SCAI: variants seen among roughly 807,000 people sequenced by gnomAD.
SCAI encodes the protein suppressor of cancer cell invasion.
Under a neutral mutation model 92.2 loss-of-function variants are expected in SCAI, and 24 were observed. That is an observed-to-expected ratio of 0.26 (90% CI 0.19 to 0.37). The LOEUF (loss-of-function observed/expected upper bound fraction) is 0.37. SCAI is among the 10% of genes least tolerant of loss of function. The pLI is 1.00. For missense variants in SCAI, 450 were observed against 736.2 expected (o/e 0.61, Z 4.50); for synonymous variants, 261 against 258.6 (o/e 1.01, Z -0.09).
chr9:125,031,880 C>T (rs1236380781), intron 3 of SCAI, among the ~76,000 whole-genome samples: 3 of 151,902 alleles, frequency 2.0e-5, no homozygotes, highest in African/African-American at 7.3e-5. Context: ...CCCTAGGTAC[C>T]ATCAGCAGAT....
At position 124,981,867 on chromosome 9, in the gene SCAI, ACTCTTGGC is replaced by A. The variant is rs142850002; in HGVS notation, c.1327-5689_1327-5682del. On this transcript the variant is annotated intron_variant, in intron 14 of 17. Transcript: ENST00000336505. ...GCTATATTGCTCAGGCTAGTCTTGA[ACTCTTGGC>A]CTCTAGCAATCCTCGTGCCTTATGC... Among the ~76,000 whole-genome samples the A allele has an allele frequency of 9.7e-3, 1,480 of 151,870 alleles. 20 individuals are homozygous for A. The highest frequency in any genetic ancestry group is 0.034 in the African/African-American group (1,411 of 41,382).
At chr9:125,029,851 T>G (rs1418111167) in intron 3 of SCAI, 112 bp from the exon 4 acceptor site, 1 of 566,068 alleles carries the variant, frequency 1.8e-6, no homozygotes, top group Non-Finnish European at 2.9e-6. Context: ...TCAGGCTTTC[T>G]TTTTTAAAAA....
chr9:125,114,333 T>C (rs963466409), intron 2 of SCAI, among the ~76,000 whole-genome samples: 1 of 152,074 alleles, frequency 6.6e-6, no homozygotes, highest in Non-Finnish European at 1.5e-5. Context: ...GTTTGAGAAG[T>C]TGTACAATAC....
intron 17 of SCAI, among the ~76,000 whole-genome samples, chr9:124,967,035 A>G (rs1469186230): frequency 6.6e-6 from 1 of 152,118 alleles, no homozygotes; most frequent in Non-Finnish European, 1.5e-5. Flanking sequence ...AGAAAATAAT[A>G]TAACATGAGC....
intron 17 of SCAI, 50 bp from the exon 18 acceptor site, chr9:124,953,003 A>C: frequency 6.9e-7 from 1 of 1,452,964 alleles, no homozygotes; most frequent in Non-Finnish European, 9.6e-7. Context: ...AATGAAAGAA[A>C]ATTATACACA....
At chr9:125,002,488 G>GTTTTGTTTTTTTTT (rs1554779236) in intron 11 of SCAI, among the ~76,000 whole-genome samples, 3 of 125,106 alleles carry the variant, frequency 2.4e-5, no homozygotes, top group Admixed American at 8.8e-5. Flanking sequence ...TTTTTAGTCT[G>GTTTTGTTTTTTTTT]TTTTTTTTTT....
intron 14 of SCAI, among the ~76,000 whole-genome samples, chr9:124,977,926 G>T (rs1831795476): frequency 6.6e-6 from 1 of 151,894 alleles, no homozygotes; most frequent in South Asian, 2.1e-4. Flanking sequence ...ATATATCAAA[G>T]ATGTAAATGT....
At chr9:125,046,899 C>G (rs1833454971) in intron 3 of SCAI, among the ~76,000 whole-genome samples, 1 of 151,668 alleles carries the variant, frequency 6.6e-6, no homozygotes, top group Non-Finnish European at 1.5e-5. Context: ...ATATATTCAT[C>G]TATTTTATTG....
At chr9:125,021,670 A>G (rs1692438670) in intron 6 of SCAI, among the ~76,000 whole-genome samples, 1 of 152,148 alleles carries the variant, frequency 6.6e-6, no homozygotes, top group Non-Finnish European at 1.5e-5. Context: ...ACAACAGTGT[A>G]TTTTTTGTGT....
intron 2 of SCAI, among the ~76,000 whole-genome samples, chr9:125,137,202 A>G (rs1002323200): frequency 5.9e-5 from 9 of 152,200 alleles, no homozygotes; most frequent in Non-Finnish European, 1.3e-4. Flanking sequence ...TCCTGCCCAT[A>G]GGACCTTTAA....
At chr9:124,989,590 A>T (rs1027214899) in intron 14 of SCAI, among the ~76,000 whole-genome samples, 4 of 152,208 alleles carry the variant, frequency 2.6e-5, no homozygotes, top group South Asian at 4.1e-4. Context: ...TCAAAAAAAT[A>T]AAAATAAAAA....
At chr9:125,133,789 T>C (rs1835457518) in intron 2 of SCAI, among the ~76,000 whole-genome samples, 1 of 152,114 alleles carries the variant, frequency 6.6e-6, no homozygotes, top group Non-Finnish European at 1.5e-5. Flanking sequence ...GTGAGGACAT[T>C]TGGAAGGGCT....
At chr9:125,067,245 C>T (rs1833891239) in intron 2 of SCAI, among the ~76,000 whole-genome samples, 1 of 152,110 alleles carries the variant, frequency 6.6e-6, no homozygotes. Context: ...TGTTGAAGTC[C>T]TAACTTCTGG....
chr9:125,081,123 G>C (rs1447469049), intron 2 of SCAI, among the ~76,000 whole-genome samples: 1 of 152,194 alleles, frequency 6.6e-6, no homozygotes. Context: ...TCAAGTCTCA[G>C]GTATGTCTTT....
intron 2 of SCAI, among the ~76,000 whole-genome samples, chr9:125,085,036 T>C (rs1428184424): frequency 6.6e-6 from 1 of 152,208 alleles, no homozygotes; most frequent in African/African-American, 2.4e-5. Context: ...TATCCTATCT[T>C]ACTGACTACT....
intron 6 of SCAI, among the ~76,000 whole-genome samples, 164 bp downstream of exon 6, chr9:125,026,648 A>G (rs1438651773): frequency 2.0e-5 from 3 of 152,210 alleles, no homozygotes; most frequent in African/African-American, 7.2e-5. Flanking sequence ...CTTAGGTAAC[A>G]TAAACTTCTC....
chr9:124,979,392 T>G (rs1428627496), intron 14 of SCAI, among the ~76,000 whole-genome samples: 1 of 151,216 alleles, frequency 6.6e-6, no homozygotes, highest in Non-Finnish European at 1.5e-5. Flanking sequence ...ATACAAAAAT[T>G]AGCCGGGCAT....
chr9:125,084,492 C>T (rs766733089), intron 2 of SCAI, among the ~76,000 whole-genome samples: 2 of 151,940 alleles, frequency 1.3e-5, no homozygotes, highest in African/African-American at 4.8e-5. Flanking sequence ...TTAAGCACTA[C>T]GTAAAAGAGG....
At chr9:124,958,629 A>G (rs933414595) in intron 17 of SCAI, among the ~76,000 whole-genome samples, 33 of 152,158 alleles carry the variant, frequency 2.2e-4, no homozygotes, top group Non-Finnish European at 5.9e-5. Context: ...GGAGAAGGCC[A>G]GGCGTGGTGG....
Sources: allele counts gnomAD v4.1 joint callset (sites outside exome capture counted in the v4.1 genomes callset), GRCh38; gene constraint gnomAD v4.1.1; transcripts MANE v1.5; gene names NCBI Gene and HGNC (gene_info 2026-07-23, HGNC 2026-07-21).